Variants in FAM241A observed in about 807,000 individuals in gnomAD.
FAM241A encodes the protein family with sequence similarity 241 member A.
Under a neutral mutation model 12.2 loss-of-function variants are expected in FAM241A, and 7 were observed. That is an observed-to-expected ratio of 0.58 (90% confidence interval 0.33 to 1.08). FAM241A has a LOEUF of 1.08. Ranked by LOEUF, FAM241A falls within the 50% of genes least tolerant of loss-of-function variation. The probability of loss-of-function intolerance (pLI) is 0.04; values close to 1 mark genes in which losing one functional copy is unlikely to be tolerated. For synonymous variants in FAM241A, 74 were observed against 68.2 expected, an observed-to-expected ratio of 1.08 and a Z score of -0.42; for missense variants, 161 against 169.7, an observed-to-expected ratio of 0.95 and a Z score of 0.29.
At chr4:112,182,963 T>A (rs1290379736) in intron 1 of FAM241A, among the ~76,000 whole-genome samples, 1 of 152,026 alleles carries the variant, frequency 6.6e-6, no homozygotes, top group Non-Finnish European at 1.5e-5. Flanking sequence ...ACGTTCTTTT[T>A]TTTTTTTTCT....
Position 112,186,209 on chromosome 4 carries a change from T to G in FAM241A, c.154-484T>G, listed in dbSNP as rs538583637. Among the ~76,000 whole-genome samples the G allele has an allele frequency of 5.0e-4, 76 of 152,266 alleles. No homozygotes were observed. The South Asian group carries it at 7.1e-3, about 14-fold the overall frequency. ...CTCCTGATGAAATTAATAAGAGGCA[T>G]TTAGGGCATCTATATAATGAACAGG... On this transcript the variant is annotated intron_variant, in intron 1 of 1. Transcript: ENST00000309733.
intron 1 of FAM241A, among the ~76,000 whole-genome samples, chr4:112,173,892 A>G (rs1285845663): frequency 6.6e-6 from 1 of 152,266 alleles, no homozygotes; most frequent in African/African-American, 2.4e-5. Context: ...CTGTCTCCTC[A>G]GCAAAGCAGC....
chr4:112,186,866 G>A lies in FAM241A; in HGVS notation c.327G>A (p.Leu109=), dbSNP rs923640375. ...PVIVIFFWVM[L]WFLGLQALGL... ...TAGTCATTTTCTTTTGGGTTATGCT[G>A]TGGTTCCTTGGCCTGCAAGCCCTTG... The change falls in exon 2 of 2, where the codon CTG becomes CTA. Residue 109 remains leucine, a synonymous_variant. Transcript: ENST00000309733. The A allele has an allele frequency of 6.2e-7, 1 of 1,614,090 alleles. No individual in the cohort carries two copies. Among genetic ancestry groups the A allele is most frequent in the African/African-American group, 1.3e-5 (1 of 75,038 alleles).
At chr4:112,172,574 C>CT (rs1441869625) in intron 1 of FAM241A, among the ~76,000 whole-genome samples, 3 of 152,010 alleles carry the variant, frequency 2.0e-5, no homozygotes, top group African/African-American at 7.2e-5. Flanking sequence ...CCAAATTGAC[C>CT]TTTTTTGAAC....
chr4:112,170,276 A>T (rs1211658435), intron 1 of FAM241A, among the ~76,000 whole-genome samples: 1 of 152,210 alleles, frequency 6.6e-6, no homozygotes, highest in Non-Finnish European at 1.5e-5. Context: ...CACAGGGGAT[A>T]CATTCTAAGA....
At chr4:112,159,156 A>G (rs1423267316) in intron 1 of FAM241A, among the ~76,000 whole-genome samples, 1 of 152,174 alleles carries the variant, frequency 6.6e-6, no homozygotes, top group Non-Finnish European at 1.5e-5. Flanking sequence ...CAAAGACCCA[A>G]AGTAAATGAG....
intron 1 of FAM241A, chr4:112,171,228 C>T: frequency 1.4e-6 from 1 of 722,560 alleles, no homozygotes; most frequent in Non-Finnish European, 2.5e-6. Context: ...GGTAAACATT[C>T]CTAAAACCCA....
At chr4:112,179,943 A>ATGTGTG (rs35177969) in intron 1 of FAM241A, among the ~76,000 whole-genome samples, 7 of 129,510 alleles carry the variant, frequency 5.4e-5, no homozygotes, top group African/African-American at 1.8e-4. Context: ...ATATATGTAT[A>ATGTGTG]TGTGTGTGTG....
intron 1 of FAM241A, among the ~76,000 whole-genome samples, chr4:112,155,518 TAA>T (rs1450367129): frequency 1.4e-4 from 21 of 151,620 alleles, no homozygotes; most frequent in African/African-American, 4.6e-4. Context: ...GTTATAATGA[TAA>T]GTTATAAATT....
intron 1 of FAM241A, among the ~76,000 whole-genome samples, chr4:112,185,676 G>A (rs1724023879): frequency 6.6e-6 from 1 of 152,178 alleles, no homozygotes; most frequent in Non-Finnish European, 1.5e-5. Flanking sequence ...GAGTTCAGAG[G>A]AGGGAGCCTA....
Position 112,151,444 on chromosome 4 carries a change from T to C in FAM241A, c.153+5711T>C, listed in dbSNP as rs1723243222. ...AGTGCTATATTGTCTGTGTCTGATTTTTTTATAGCAATGGAAACTGACACA... is the reference window on the plus strand; with the variant it reads ...AGTGCTATATTGTCTGTGTCTGATTCTTTTATAGCAATGGAAACTGACACA... On this transcript the variant is annotated intron_variant, in intron 1 of 1. Transcript: ENST00000309733. Among the ~76,000 whole-genome samples, 3 of 152,232 alleles carry C rather than the reference T, an allele frequency of 2.0e-5. No individual in the cohort carries two copies. The South Asian group carries it at 6.2e-4, about 31-fold the overall frequency.
intron 1 of FAM241A, among the ~76,000 whole-genome samples, chr4:112,161,519 A>T (rs1723468931): frequency 1.3e-5 from 2 of 152,216 alleles, no homozygotes; most frequent in Non-Finnish European, 2.9e-5. Flanking sequence ...CCATCAGAGA[A>T]TACTATAAAC....
chr4:112,179,911 T>A (rs1723894050), intron 1 of FAM241A, among the ~76,000 whole-genome samples: 1 of 26,222 alleles, frequency 3.8e-5, no homozygotes, highest in African/African-American at 2.2e-4. Flanking sequence ...ATAAAGAAAA[T>A]GTGATATATA....
chr4:112,166,913 G>A (rs1021421286), intron 1 of FAM241A, among the ~76,000 whole-genome samples: 3 of 144,714 alleles, frequency 2.1e-5, no homozygotes, highest in Non-Finnish European at 4.5e-5. Context: ...AGGAGATCGA[G>A]ACCATCCCGG....
At chr4:112,155,139 AT>A (rs1361175126) in intron 1 of FAM241A, among the ~76,000 whole-genome samples, 1 of 151,762 alleles carries the variant, frequency 6.6e-6, no homozygotes, top group African/African-American at 2.4e-5. Context: ...CCCTTCTCTT[AT>A]TTAATTATTT....
Position 112,164,839 on chromosome 4 carries a change from C to T in FAM241A, c.153+19106C>T, listed in dbSNP as rs375318104. On this transcript the variant is annotated intron_variant, in intron 1 of 1. Coordinates refer to ENST00000309733, the MANE Select transcript of FAM241A (RefSeq NM_152400.3). ...AAAAGAAGACATACAGGCCAGGTGC[C>T]GTGGCTCACGCCTATAATCCCAGCA... Among the ~76,000 whole-genome samples, 680 of 152,216 alleles carry T rather than the reference C, an allele frequency of 4.5e-3. 8 individuals are homozygous for T. The highest frequency in any genetic ancestry group is 0.015 in the African/African-American group (615 of 41,538).
At chr4:112,152,616 CTG>C (rs1723265464) in intron 1 of FAM241A, among the ~76,000 whole-genome samples, 1 of 152,158 alleles carries the variant, frequency 6.6e-6, no homozygotes, top group African/African-American at 2.4e-5. Flanking sequence ...CATCTCCTTT[CTG>C]TCTCTGTTGA....
chr4:112,188,205 A>G lies in FAM241A; in HGVS notation c.*1267A>G, dbSNP rs1348416819. On this transcript the variant is annotated 3_prime_UTR_variant, in exon 2 of 2. Transcript: ENST00000309733. The stretch of plus-strand genomic sequence containing the variant: ...CAAAGATTATAAAGGAAAGGGGGGT[A>G]GTTAAGATTTAGAATTCAAGTTAAA... 3.3e-5 allele frequency: 5 copies of G among 152,152 alleles called. No homozygotes were observed. The highest frequency in any genetic ancestry group is 1.3e-4 in the Admixed American group (2 of 15,274). The allele number at this position is 152,152 out of a possible 1,614,324, so 9.4% of individuals were successfully genotyped here.
intron 1 of FAM241A, among the ~76,000 whole-genome samples, chr4:112,150,683 CAGT>C (rs1412401302): frequency 6.6e-6 from 1 of 152,180 alleles, no homozygotes; most frequent in Non-Finnish European, 1.5e-5. Context: ...TTTGATCTAT[CAGT>C]AGAAATATGA....
Sources: allele counts gnomAD v4.1 joint callset (sites outside exome capture counted in the v4.1 genomes callset), GRCh38; gene constraint gnomAD v4.1.1; transcripts MANE v1.5; gene names NCBI Gene and HGNC (gene_info 2026-07-23, HGNC 2026-07-21).